The following PSKH1 variants were observed in gnomAD, a reference collection of about 807,000 sequenced individuals.
The protein encoded by PSKH1 is protein serine kinase H1, also known as serine/threonine-protein kinase H1.
A neutral mutation model predicts 26.7 loss-of-function variants in PSKH1; 12 were observed. That is an observed-to-expected ratio of 0.45 (90% confidence interval 0.29 to 0.73). The LOEUF (loss-of-function observed/expected upper bound fraction) is 0.73, where lower values mean the gene tolerates loss of function less well. Ranked by LOEUF, PSKH1 falls within the 30% of genes least tolerant of loss-of-function variation. PSKH1 has a pLI of 0.11. For synonymous variants in PSKH1, 213 were observed against 234.3 expected (o/e 0.91, Z 0.83); for missense variants, 431 against 595.2 (o/e 0.72, Z 2.87).
Position 67,909,484 on chromosome 16 carries a change from T to C in PSKH1, c.735T>C (p.Ala245=). Residue 245 remains alanine, a synonymous_variant, in exon 2 of 3, where the codon GCT becomes GCC. Transcript: ENST00000291041. The surrounding 1 kb of genome is among the most constrained non-coding windows in gnomAD (Gnocchi z 7.8). ...TCACCGACTTCGGCCTGGCCAGTGC[T>C]CGCAAGAAGGGTGATGACTGCTTGA... The part of the protein sequence containing the change: ...IIITDFGLAS[A]RKKGDDCLMK... 6.2e-7 allele frequency: 1 copy of C among 1,613,578 alleles called. No individual in the cohort carries two copies. The highest frequency in any genetic ancestry group is 8.5e-7 in the Non-Finnish European group (1 of 1,179,984).
Position 67,927,864 on chromosome 16 carries a change from C to A in PSKH1, c.*222C>A. ...GTAGCACAGGGGGCTGTGACTCCCC[C>A]TGAACTGGGAGCCTGGCCTGGCACT... On this transcript the variant is annotated 3_prime_UTR_variant, in exon 3 of 3. Transcript: ENST00000291041. The surrounding 1 kb of genome is among the most constrained non-coding windows in gnomAD (Gnocchi z 5.5). 1.7e-6 allele frequency: 1 copy of A among 593,672 alleles called. No homozygotes were observed. The highest frequency in any genetic ancestry group is 2.3e-5 in the South Asian group (1 of 43,204). 36.8% of individuals were successfully genotyped at this position (593,672 alleles called of 1,614,324 possible). A position where few individuals can be genotyped will look rare whatever the true frequency, so the allele number is the denominator to read the frequency against.
chr16:67,911,313 C>T (rs1245389017), intron 2 of PSKH1, among the ~76,000 whole-genome samples: 3 of 152,202 alleles, frequency 2.0e-5, no homozygotes, highest in Non-Finnish European at 4.4e-5. Flanking sequence ...AAGCAGCTTC[C>T]TTCTGTGGCC....
chr16:67,909,645 AT>A lies in PSKH1; in HGVS notation c.897del (p.Asp299GlufsTer38). 1 of 1,613,902 alleles carries A rather than the reference AT, an allele frequency of 6.2e-7. No homozygotes were observed. Among genetic ancestry groups the A allele is most frequent in the Non-Finnish European group, 8.5e-7 (1 of 1,180,036 alleles). On this transcript the variant is annotated frameshift_variant, in exon 2 of 3. Coordinates refer to ENST00000291041, the MANE Select transcript of PSKH1 (RefSeq NM_006742.3). LOFTEE classifies it high-confidence loss of function. The surrounding 1 kb of genome is among the most constrained non-coding windows in gnomAD (Gnocchi z 7.8). ...CTCAGTGGCACCATGCCGTTTGAGGATGACAACCGTACCCGGCTGTACCGGC... is the reference window on the plus strand; with the variant it reads ...CTCAGTGGCACCATGCCGTTTGAGGAGACAACCGTACCCGGCTGTACCGGC... ...ILLSGTMPFE[D>X]DNRTRLYRQI...
intron 2 of PSKH1, among the ~76,000 whole-genome samples, chr16:67,918,243 A>G (rs959162480): frequency 2.0e-5 from 3 of 152,172 alleles, no homozygotes; most frequent in Non-Finnish European, 4.4e-5. Context: ...TAGGATTGAT[A>G]TTAGAGTGAT....
chr16:67,893,970 G>A (rs1321307288), intron 1 of PSKH1, among the ~76,000 whole-genome samples: 1 of 152,174 alleles, frequency 6.6e-6, no homozygotes, highest in African/African-American at 2.4e-5. Context: ...TTCACTGCCT[G>A]AAACTAGTTC....
intron 1 of PSKH1, among the ~76,000 whole-genome samples, chr16:67,905,480 C>G (rs1420743185): frequency 6.6e-6 from 1 of 152,170 alleles, no homozygotes; most frequent in Non-Finnish European, 1.5e-5. Flanking sequence ...AGGTTACCTC[C>G]TTCAGGAAGG....
At chr16:67,906,761 T>C (rs1262613534) in intron 1 of PSKH1, among the ~76,000 whole-genome samples, 2 of 152,278 alleles carry the variant, frequency 1.3e-5, no homozygotes, top group East Asian at 3.9e-4. Context: ...TGGTGACCTC[T>C]GGAAGCAGTA....
In PSKH1 at chr16:67,929,511, A is replaced by G. The variant is rs113090945; in HGVS notation, c.*1869A>G. On this transcript the variant is annotated 3_prime_UTR_variant, in exon 3 of 3. Transcript: ENST00000291041. The stretch of plus-strand genomic sequence containing the variant: ...GTGGGCCTGGTCCTGAGGGCAGGAC[A>G]GGGGGTTTGGAGATGTGGGCCTTTG... 1.9e-3 allele frequency: 336 copies of G among 176,340 alleles called. 4 individuals are homozygous for G. Among genetic ancestry groups the G allele is most frequent in the African/African-American group, 7.8e-3 (333 of 42,602 alleles). 10.9% of individuals were successfully genotyped at this position (176,340 alleles called of 1,614,324 possible).
In PSKH1 at chr16:67,929,563, T is replaced by C; in HGVS notation, c.*1921T>C. 4.8e-6 allele frequency: 1 copy of C among 207,628 alleles called. No homozygotes were observed. 12.9% of individuals were successfully genotyped at this position (207,628 alleles called of 1,614,324 possible). A position where few individuals can be genotyped will look rare whatever the true frequency, so the allele number is the denominator to read the frequency against. On this transcript the variant is annotated 3_prime_UTR_variant, in exon 3 of 3. Coordinates refer to ENST00000291041, the MANE Select transcript of PSKH1 (RefSeq NM_006742.3). ...TAGACCCACTTGGGCCTTCATGCCATGGCCTGTGGATGGAGAATGTGCAGT... is the reference window on the plus strand; with the variant it reads ...TAGACCCACTTGGGCCTTCATGCCACGGCCTGTGGATGGAGAATGTGCAGT...
At position 67,927,735 on chromosome 16, in the gene PSKH1, T is replaced by G; in HGVS notation, c.*93T>G. 7.4e-7 allele frequency: 1 copy of G among 1,355,636 alleles called. No individual in the cohort carries two copies. The highest frequency in any genetic ancestry group is 1.4e-5 in the South Asian group (1 of 71,446). The allele number at this position is 1,355,636 out of a possible 1,614,324, so 84.0% of individuals were successfully genotyped here. A position where few individuals can be genotyped will look rare whatever the true frequency, so the allele number is the denominator to read the frequency against. On this transcript the variant is annotated 3_prime_UTR_variant, in exon 3 of 3. Coordinates refer to ENST00000291041, the MANE Select transcript of PSKH1 (RefSeq NM_006742.3). This position sits in a 1 kb window ranked among gnomAD's most constrained non-coding sequence, Gnocchi z 5.5. ...GATGCCCTCTCTGGAGATAGGCCTA[T>G]GTGGCCCACAGTAGGTGAAGAATGT...
intron 2 of PSKH1, among the ~76,000 whole-genome samples, chr16:67,923,739 A>G (rs2058209234): frequency 6.6e-6 from 1 of 152,242 alleles, no homozygotes; most frequent in Non-Finnish European, 1.5e-5. Flanking sequence ...AAATAAGTAT[A>G]CTGAGGCACG....
At chr16:67,912,426 T>C (rs1598190581) in intron 2 of PSKH1, among the ~76,000 whole-genome samples, 1 of 152,190 alleles carries the variant, frequency 6.6e-6, no homozygotes, top group East Asian at 1.9e-4. Flanking sequence ...GCACAGGTGG[T>C]GATAGAGGGA....
rs1446385916 is a variant in PSKH1, at chr16:67,909,440, A to G, written c.691A>G (p.Thr231Ala). 1 of 1,613,074 alleles carries G rather than the reference A, an allele frequency of 6.2e-7. No individual in the cohort carries two copies. The highest frequency in any genetic ancestry group is 2.2e-5 in the East Asian group (1 of 44,822). ...PENLLYYHPG[T>A]DSKIIITDFG... is the part of the protein sequence containing the mutation. ...GAATCTGCTCTACTACCATCCGGGC[A>G]CTGACTCCAAGATCATCATCACCGA... The change falls in exon 2 of 3, where the codon ACT becomes GCT. Residue 231 changes from threonine to alanine, a missense_variant. Coordinates refer to ENST00000291041, the MANE Select transcript of PSKH1 (RefSeq NM_006742.3). This position sits in a 1 kb window ranked among gnomAD's most constrained non-coding sequence, Gnocchi z 7.8.
At position 67,909,630 on chromosome 16, in the gene PSKH1, C is replaced by G. The variant is rs778417363; in HGVS notation, c.881C>G (p.Thr294Ser). The change falls in exon 2 of 3, where the codon ACC (threonine) becomes AGC (serine). Residue 294 changes from threonine (T) to serine (S), a missense_variant. Thr to Ser is a moderately conservative substitution (Grantham distance 58). Coordinates refer to ENST00000291041, the MANE Select transcript of PSKH1 (RefSeq NM_006742.3). This position sits in a 1 kb window ranked among gnomAD's most constrained non-coding sequence, Gnocchi z 7.8. ...GVIAYILLSG[T>S]MPFEDDNRTR... ...ATTGCCTACATCCTACTCAGTGGCA[C>G]CATGCCGTTTGAGGATGACAACCGT... is the stretch of plus-strand genomic sequence containing the variant. 6.2e-7 allele frequency: 1 copy of G among 1,614,032 alleles called. No homozygotes were observed. Among genetic ancestry groups the G allele is most frequent in the South Asian group, 1.1e-5 (1 of 91,088 alleles).
At position 67,927,307 on chromosome 16, in the gene PSKH1, C is replaced by A; in HGVS notation, c.958-18C>A. The stretch of plus-strand genomic sequence containing the variant: ...AGTGTCAGATGCTCTCACTCTAATG[C>A]TTGTCCTTGGTCTCTAGCCCTGGCC... On this transcript the variant is annotated intron_variant, in intron 2 of 2. Transcript: ENST00000291041. This position sits in a 1 kb window ranked among gnomAD's most constrained non-coding sequence, Gnocchi z 5.5. The A allele has an allele frequency of 6.3e-7, 1 of 1,590,456 alleles. No homozygotes were observed. Among genetic ancestry groups the A allele is most frequent in the South Asian group, 1.1e-5 (1 of 88,050 alleles).
chr16:67,921,112 C>G (rs2058201202), intron 2 of PSKH1, among the ~76,000 whole-genome samples: 2 of 152,082 alleles, frequency 1.3e-5, no homozygotes, highest in Non-Finnish European at 2.9e-5. Context: ...AACCTCATCT[C>G]TACTAAAAAT....
intron 1 of PSKH1, among the ~76,000 whole-genome samples, chr16:67,897,714 TCTCA>T (rs1214776457): frequency 1.3e-5 from 2 of 152,178 alleles, no homozygotes; most frequent in Non-Finnish European, 2.9e-5. Context: ...GATGGCGAGG[TCTCA>T]CTCTGTTGCC....
At chr16:67,894,627 C>G (rs2058120977) in intron 1 of PSKH1, among the ~76,000 whole-genome samples, 1 of 152,200 alleles carries the variant, frequency 6.6e-6, no homozygotes, top group African/African-American at 2.4e-5. Context: ...ATCCATGCTG[C>G]TACTATTGAG....
chr16:67,911,488 G>T (rs1319626185), intron 2 of PSKH1, among the ~76,000 whole-genome samples: 1 of 152,166 alleles, frequency 6.6e-6, no homozygotes, highest in African/African-American at 2.4e-5. Context: ...TTCAAGACCA[G>T]CCTGGCCAAC....
Sources: allele counts gnomAD v4.1 joint callset (sites outside exome capture counted in the v4.1 genomes callset), GRCh38; gene constraint gnomAD v4.1.1; non-coding constraint Gnocchi (gnomAD v3.1); transcripts MANE v1.5; gene names NCBI Gene and HGNC (gene_info 2026-07-23, HGNC 2026-07-21).